ZGRF1: variants seen among roughly 807,000 people sequenced by gnomAD.
ZGRF1 encodes zinc finger GRF-type containing 1, also known as 5'-3' DNA helicase ZGRF1.
In ZGRF1, 196 loss-of-function variants were observed where a neutral mutation model predicts 203.5. That is an observed-to-expected ratio of 0.96 (90% CI 0.86 to 1.08). The LOEUF (loss-of-function observed/expected upper bound fraction) is 1.08, where lower values mean the gene tolerates loss of function less well. ZGRF1 is among the 50% of genes least tolerant of loss of function. The pLI, the probability that ZGRF1 is intolerant of heterozygous loss-of-function variation, is 0.00. For synonymous variants in ZGRF1, 809 were observed against 841.3 expected (o/e 0.96, Z 0.66); for missense variants, 2,326 against 2,416.3 (o/e 0.96, Z 0.78).
At chr4:112,576,007 G>C (rs1344817964) in intron 16 of ZGRF1, among the ~76,000 whole-genome samples, 1 of 152,092 alleles carries the variant, frequency 6.6e-6, no homozygotes, top group Non-Finnish European at 1.5e-5. Context: ...CCCCCAAGTA[G>C]CCTAACTGGG....
At chr4:112,566,104 C>T (rs1743020911) in intron 16 of ZGRF1, among the ~76,000 whole-genome samples, 1 of 151,880 alleles carries the variant, frequency 6.6e-6, no homozygotes, top group South Asian at 2.1e-4. Context: ...CCCAAATGTC[C>T]AACAATAATA....
At chr4:112,570,406 T>C (rs2148937514) in intron 16 of ZGRF1, among the ~76,000 whole-genome samples, 1 of 152,196 alleles carries the variant, frequency 6.6e-6, no homozygotes, top group Non-Finnish European at 1.5e-5. Flanking sequence ...CTGGCCAACA[T>C]GGTGAAAACC....
chr4:112,582,245 T>C (rs1746389948), intron 15 of ZGRF1, among the ~76,000 whole-genome samples: 1 of 151,980 alleles, frequency 6.6e-6, no homozygotes. Flanking sequence ...TATTCTGATA[T>C]ATACAATAAA....
chr4:112,634,657 A>AT (rs2047522150), intron 1 of ZGRF1, among the ~76,000 whole-genome samples: 1 of 151,376 alleles, frequency 6.6e-6, no homozygotes, highest in Non-Finnish European at 1.5e-5. Context: ...CTCAAAAAAA[A>AT]AAAATAAAAG....
At chr4:112,624,664 G>T (rs912500474) in intron 3 of ZGRF1, among the ~76,000 whole-genome samples, 2 of 151,206 alleles carry the variant, frequency 1.3e-5, no homozygotes, top group Admixed American at 6.6e-5. Flanking sequence ...TGAGGGGTAA[G>T]GGGGGAAAAA....
At position 112,608,638 on chromosome 4, in the gene ZGRF1, A is replaced by T. The variant is rs1446603599; in HGVS notation, c.2718+741T>A. ...TCCACCTTAAAAAACAAAAAGAAAA[A>T]ATTTAAACCTTATTTTTTCAAGTGA... On this transcript the variant is annotated intron_variant, in intron 8 of 27. Transcript: ENST00000505019. 2.6e-5 allele frequency among the ~76,000 whole-genome samples: 4 copies of T among 152,208 alleles called. No homozygotes were observed. In the South Asian group the frequency reaches 8.3e-4, roughly 32 times the overall value.
intron 11 of ZGRF1, 130 bp from the exon 12 acceptor site, chr4:112,588,059 TTCCTTA>T: frequency 2.4e-6 from 1 of 418,716 alleles, no homozygotes; most frequent in Non-Finnish European, 3.6e-6. Flanking sequence ...ATTATTTTAT[TTCCTTA>T]AAAAAAAATT....
chr4:112,573,828 A>T (rs781503154), intron 16 of ZGRF1, among the ~76,000 whole-genome samples: 1 of 152,200 alleles, frequency 6.6e-6, no homozygotes, highest in Non-Finnish European at 1.5e-5. Context: ...AGAATACATA[A>T]AGAACTTCTA....
At chr4:112,628,581 T>C (rs1476151595) in intron 3 of ZGRF1, 2 of 456,058 alleles carry the variant, frequency 4.4e-6, no homozygotes, top group Non-Finnish European at 8.8e-6. Flanking sequence ...CATTTAAGAT[T>C]GAGGGCGTTA....
chr4:112,631,379 T>C (rs971417957), intron 3 of ZGRF1, among the ~76,000 whole-genome samples: 9 of 151,880 alleles, frequency 5.9e-5, no homozygotes, highest in Non-Finnish European at 1.3e-4. Flanking sequence ...TCATTAACAA[T>C]AGTCACTCAG....
At chr4:112,558,540 G>C (rs2148881612) in intron 19 of ZGRF1, among the ~76,000 whole-genome samples, 1 of 152,100 alleles carries the variant, frequency 6.6e-6, no homozygotes, top group African/African-American at 2.4e-5. Context: ...GCTAATTTTT[G>C]TATTTTTAGT....
intron 24 of ZGRF1, 75 bp from the exon 25 acceptor site, chr4:112,541,343 A>T: frequency 1.4e-6 from 1 of 737,728 alleles, no homozygotes; most frequent in Non-Finnish European, 2.1e-6. Context: ...TATTTTTAAA[A>T]TTAAAAATAT....
Position 112,612,598 on chromosome 4 carries a change from A to C in ZGRF1, c.2603-10T>G. 1 of 1,556,814 alleles carries C rather than the reference A, an allele frequency of 6.4e-7. No individual in the cohort carries two copies. Among genetic ancestry groups the C allele is most frequent in the East Asian group, 2.3e-5 (1 of 44,382 alleles). ...ATAAATGGTTTCCTCACTGTAATGGAGAAAAGAAATAATCATATCATTGTT... is the reference window on the plus strand; with the variant it reads ...ATAAATGGTTTCCTCACTGTAATGGCGAAAAGAAATAATCATATCATTGTT... On this transcript the variant is annotated splice_polypyrimidine_tract_variant and intron_variant, in intron 6 of 27. Coordinates refer to ENST00000505019, the MANE Select transcript of ZGRF1 (RefSeq NM_018392.5).
intron 21 of ZGRF1, 67 bp from the exon 22 acceptor site, chr4:112,554,049 T>C (rs1740475124): frequency 1.4e-6 from 2 of 1,398,042 alleles, no homozygotes; most frequent in African/African-American, 1.4e-5. Context: ...AAGCAAAATA[T>C]AGATTTTCTT....
At chr4:112,605,947 G>A in intron 9 of ZGRF1, 61 bp downstream of exon 9, 1 of 1,109,136 alleles carries the variant, frequency 9.0e-7, no homozygotes, top group Non-Finnish European at 1.3e-6. Context: ...TTGTTTTTTT[G>A]TTTTAAACAG....
At chr4:112,605,584 TG>T (rs1302727969) in intron 9 of ZGRF1, 1 of 155,640 alleles carries the variant, frequency 6.4e-6, no homozygotes, top group Admixed American at 6.5e-5. Context: ...TGTTAATTTT[TG>T]ATATAGAATA....
At chr4:112,631,653 C>G (rs1247029162) in intron 3 of ZGRF1, among the ~76,000 whole-genome samples, 1 of 152,126 alleles carries the variant, frequency 6.6e-6, no homozygotes, top group Non-Finnish European at 1.5e-5. Context: ...GCCTGGGTGA[C>G]AGAGTAAGAC....
At chr4:112,611,800 G>C (rs1215470618) in intron 7 of ZGRF1, among the ~76,000 whole-genome samples, 1 of 152,132 alleles carries the variant, frequency 6.6e-6, no homozygotes, top group Non-Finnish European at 1.5e-5. Flanking sequence ...CAATGACATT[G>C]CACCTTTGTG....
intron 1 of ZGRF1, among the ~76,000 whole-genome samples, chr4:112,634,486 A>C (rs2149222381): frequency 6.6e-6 from 1 of 151,988 alleles, no homozygotes. Context: ...CCCTGTCTCT[A>C]CTAAAAATAC....
Sources: allele counts gnomAD v4.1 joint callset (sites outside exome capture counted in the v4.1 genomes callset), GRCh38; gene constraint gnomAD v4.1.1; transcripts MANE v1.5; gene names NCBI Gene and HGNC (gene_info 2026-07-23, HGNC 2026-07-21).